SLC9A2: variants seen among roughly 807,000 people sequenced by gnomAD.
The protein encoded by SLC9A2 is solute carrier family 9 member A2, also known as sodium/hydrogen exchanger 2.
SLC9A2 carries 42 observed loss-of-function variants against 71.7 expected under a neutral mutation model. The ratio of observed to expected loss-of-function variants is 0.59; its 90% CI spans 0.46 to 0.76. SLC9A2 has a LOEUF of 0.76. SLC9A2 is among the 30% of genes least tolerant of loss of function. The probability of loss-of-function intolerance (pLI) is 0.00; values close to 1 mark genes in which losing one functional copy is unlikely to be tolerated. For synonymous variants in SLC9A2, 396 were observed against 392.5 expected (o/e 1.01, Z -0.10); for missense variants, 829 against 1,017.4 (o/e 0.81, Z 2.52).
chr2:102,664,800 G>C (rs182050618), intron 2 of SLC9A2, among the ~76,000 whole-genome samples: 59 of 152,286 alleles, frequency 3.9e-4, no homozygotes, highest in East Asian at 9.6e-4. Flanking sequence ...TAATCTTTCA[G>C]ATGATATCTG....
intron 1 of SLC9A2, among the ~76,000 whole-genome samples, chr2:102,624,388 A>G (rs999766297): frequency 6.6e-6 from 1 of 152,152 alleles, no homozygotes; most frequent in Non-Finnish European, 1.5e-5. Context: ...GTATAGAGAG[A>G]TGGGGTTCTA....
chr2:102,639,871 T>C (rs1239525679), intron 1 of SLC9A2, among the ~76,000 whole-genome samples: 1 of 152,156 alleles, frequency 6.6e-6, no homozygotes, highest in East Asian at 1.9e-4. Flanking sequence ...ACAACTTTAA[T>C]GAAATTGAGA....
chr2:102,659,356 G>A (rs7563573), intron 2 of SLC9A2, among the ~76,000 whole-genome samples: 3,380 of 151,818 alleles, frequency 0.022, 115 homozygotes, highest in African/African-American at 0.078. Context: ...TGAGAGGATC[G>A]CTTGGGCCAG....
chr2:102,620,179 C>T (rs766163348), intron 1 of SLC9A2, 42 bp downstream of exon 1: 9 of 1,544,574 alleles, frequency 5.8e-6, no homozygotes, highest in Non-Finnish European at 7.9e-6. Flanking sequence ...GGGGCGATCT[C>T]GGGGGGACAC....
Position 102,625,509 on chromosome 2 carries a change from C to T in SLC9A2, c.289+5372C>T, listed in dbSNP as rs190285013. On this transcript the variant is annotated intron_variant, in intron 1 of 11. Transcript: ENST00000233969. ...CAACAGGTCCCGGTGTGTGATGTTCCCCTTCCTGTTTCCAAGTGTTCTCAT... is the reference window on the plus strand; with the variant it reads ...CAACAGGTCCCGGTGTGTGATGTTCTCCTTCCTGTTTCCAAGTGTTCTCAT... Among the ~76,000 whole-genome samples, 55 of 148,716 alleles carry T rather than the reference C, an allele frequency of 3.7e-4. No individual in the cohort carries two copies. In the East Asian group the frequency reaches 1.0e-2, roughly 27 times the overall value.
chr2:102,690,082 C>T lies in SLC9A2; in HGVS notation c.1426-4332C>T, dbSNP rs573817433. On this transcript the variant is annotated intron_variant, in intron 5 of 11. Transcript: ENST00000233969. ...TGAGGGTATAAACATAGAAAGAATA[C>T]AGAAAAGAAGGCATCTGACAACTGA... Among the ~76,000 whole-genome samples the T allele has an allele frequency of 2.0e-4, 30 of 152,080 alleles. No individual in the cohort carries two copies. The South Asian group carries it at 5.8e-3, about 29-fold the overall frequency.
chr2:102,646,435 C>A (rs1321981713), intron 1 of SLC9A2, among the ~76,000 whole-genome samples: 1 of 152,104 alleles, frequency 6.6e-6, no homozygotes, highest in Non-Finnish European at 1.5e-5. Context: ...ATGACAGGAT[C>A]AAATTCACAC....
intron 3 of SLC9A2, among the ~76,000 whole-genome samples, 194 bp from the exon 4 acceptor site, chr2:102,683,067 G>T (rs1481678197): frequency 6.6e-6 from 1 of 152,174 alleles, no homozygotes; most frequent in Non-Finnish European, 1.5e-5. Context: ...AGCCAGGGTT[G>T]CTAAAGAAGA....
intron 1 of SLC9A2, among the ~76,000 whole-genome samples, chr2:102,633,222 AT>A (rs1294693054): frequency 6.6e-6 from 1 of 152,202 alleles, no homozygotes; most frequent in East Asian, 1.9e-4. Flanking sequence ...GTTTTAAAAA[AT>A]AGATGAGGAT....
At chr2:102,683,233 T>C in intron 3 of SLC9A2, 28 bp from the exon 4 acceptor site, 1 of 1,516,872 alleles carries the variant, frequency 6.6e-7, no homozygotes, top group Non-Finnish European at 9.2e-7. Flanking sequence ...TTGTTAGGTT[T>C]CAATAGAAGC....
intron 1 of SLC9A2, among the ~76,000 whole-genome samples, chr2:102,641,155 C>T (rs566906155): frequency 2.0e-5 from 3 of 152,158 alleles, no homozygotes; most frequent in African/African-American, 4.8e-5. Flanking sequence ...CTAGTGGGTG[C>T]GACAGACTCT....
rs578062991 is a variant in SLC9A2 at position 102,635,747 on chromosome 2, G to A, written c.289+15610G>A. On this transcript the variant is annotated intron_variant, in intron 1 of 11. Coordinates refer to ENST00000233969, the MANE Select transcript of SLC9A2 (RefSeq NM_003048.6). ...TCTGTATCTTATTTTGTTTTGTTTT[G>A]TGTTACAACTGACATTCATTCATTC... Among the ~76,000 whole-genome samples, 50 of 152,168 alleles carry A rather than the reference G, an allele frequency of 3.3e-4. No homozygotes were observed. The South Asian group carries it at 0.01, about 32-fold the overall frequency.
intron 1 of SLC9A2, among the ~76,000 whole-genome samples, chr2:102,631,995 G>GATATATATATATAT (rs59553931): frequency 2.3e-5 from 1 of 43,230 alleles, no homozygotes; most frequent in Non-Finnish European, 4.7e-5. Flanking sequence ...TGAAAGTGGG[G>GATATATATATATAT]ATATATATAT....
intron 1 of SLC9A2, among the ~76,000 whole-genome samples, chr2:102,623,638 G>T (rs1468309962): frequency 6.6e-6 from 1 of 152,146 alleles, no homozygotes; most frequent in Non-Finnish European, 1.5e-5. Context: ...TCATATTTGG[G>T]AATGAAGAGG....
chr2:102,679,111 G>T (rs1677399861), intron 3 of SLC9A2, among the ~76,000 whole-genome samples: 1 of 152,068 alleles, frequency 6.6e-6, no homozygotes, highest in East Asian at 1.9e-4. Flanking sequence ...AGCCCCTCAG[G>T]TGCCTCAGTG....
chr2:102,704,261 T>C (rs1274643448), intron 9 of SLC9A2, among the ~76,000 whole-genome samples: 1 of 152,046 alleles, frequency 6.6e-6, no homozygotes, highest in Non-Finnish European at 1.5e-5. Context: ...TGCAGTGAGT[T>C]ATGAGTGCCA....
At chr2:102,660,357 C>G (rs566576671) in intron 2 of SLC9A2, among the ~76,000 whole-genome samples, 1 of 152,172 alleles carries the variant, frequency 6.6e-6, no homozygotes, top group Non-Finnish European at 1.5e-5. Context: ...GTCGTGGTTT[C>G]ATATCTAAGA....
At chr2:102,662,415 C>T (rs1359053043) in intron 2 of SLC9A2, among the ~76,000 whole-genome samples, 3 of 152,138 alleles carry the variant, frequency 2.0e-5, no homozygotes, top group Admixed American at 1.3e-4. Context: ...GAAGGAGACT[C>T]AGCTCTGTGC....
intron 7 of SLC9A2, among the ~76,000 whole-genome samples, chr2:102,695,350 G>A (rs1272420838): frequency 6.6e-6 from 1 of 152,094 alleles, no homozygotes; most frequent in African/African-American, 2.4e-5. Flanking sequence ...TTTAACAGAT[G>A]AGGTTTACTC....
Sources: gnomAD v4.1 joint callset for allele counts (sites outside exome capture counted in the v4.1 genomes callset) on GRCh38, gnomAD v4.1.1 for gene constraint, MANE v1.5 for transcripts, NCBI Gene and HGNC (gene_info 2026-07-23, HGNC 2026-07-21) for gene names.